Variants in LINGO2 observed in about 807,000 individuals in gnomAD.
LINGO2 encodes the protein leucine rich repeat and Ig domain containing 2, also known as leucine-rich repeat and immunoglobulin-like domain-containing nogo receptor-interacting protein 2.
In LINGO2, 14 loss-of-function variants were observed where a neutral mutation model predicts 30.6. The observed-to-expected ratio is 0.46, with a 90% CI of 0.30 to 0.72. LINGO2 has a LOEUF of 0.72. LINGO2 is among the 30% of genes least tolerant of loss of function. The probability of loss-of-function intolerance (pLI) is 0.07; values close to 1 mark genes in which losing one functional copy is unlikely to be tolerated. For synonymous variants in LINGO2, 317 were observed against 288.5 expected (o/e 1.10, Z -1.00); for missense variants, 729 against 751.7 (o/e 0.97, Z 0.35).
At chr9:28,945,909 T>TAAAG in the LINGO2 span, among the ~76,000 whole-genome samples, 1 of 152,192 alleles carries the variant, frequency 6.6e-6, no homozygotes, top group Non-Finnish European at 1.5e-5. Flanking sequence ...GTACTTCTGA[T>TAAAG]AAAGATGAGG....
At chr9:28,200,270 G>A (rs78004528) in intron 4 of LINGO2, among the ~76,000 whole-genome samples, 4,194 of 152,224 alleles carry the variant, frequency 0.028, 177 homozygotes, top group African/African-American at 0.095. Flanking sequence ...AAAAGATAGT[G>A]TTGGTGTCTA....
intron 4 of LINGO2, among the ~76,000 whole-genome samples, chr9:28,164,062 G>T (rs550632568): frequency 6.6e-6 from 1 of 152,162 alleles, no homozygotes; most frequent in Non-Finnish European, 1.5e-5. Flanking sequence ...CTAAATATTG[G>T]AAACTATTTT....
intron 2 of LINGO2, among the ~76,000 whole-genome samples, chr9:28,431,029 T>TGAGAGAGAGAGAGAGAGAGAGAGAGA (rs57751993): frequency 1.5e-5 from 2 of 129,356 alleles, no homozygotes; most frequent in African/African-American, 3.1e-5. Context: ...GCATGAGTGA[T>TGAGAGAGAGAGAGAGAGAGAGAGAGA]GAGAGAGAGA....
Position 28,241,098 on chromosome 9 carries a change from G to A in LINGO2, c.-87+54110C>T, listed in dbSNP as rs138616605. On this transcript the variant is annotated intron_variant, in intron 4 of 5. Coordinates refer to ENST00000379992, the Ensembl canonical transcript of LINGO2. Reference sequence around the variant, plus strand: ...ATCCTGGCCAACATGGTGAAACCCCGTCTCTACTAAAAATACAAACATTAG... The same window carrying A: ...ATCCTGGCCAACATGGTGAAACCCCATCTCTACTAAAAATACAAACATTAG... Among the ~76,000 whole-genome samples the A allele has an allele frequency of 3.1e-3, 473 of 151,608 alleles. 3 individuals are homozygous for A. Among genetic ancestry groups the A allele is most frequent in the African/African-American group, 9.9e-3 (411 of 41,362 alleles).
At chr9:28,059,985 T>G (rs947499507) in intron 4 of LINGO2, among the ~76,000 whole-genome samples, 22 of 152,042 alleles carry the variant, frequency 1.4e-4, no homozygotes, top group African/African-American at 5.3e-4. Flanking sequence ...CTATCAAAGA[T>G]TCACTGATCC....
chr9:28,623,909 C>T (rs1425098442), intron 1 of LINGO2, among the ~76,000 whole-genome samples: 1 of 151,966 alleles, frequency 6.6e-6, no homozygotes, highest in Non-Finnish European at 1.5e-5. Flanking sequence ...AAATCTTTCA[C>T]TTCTTTGATT....
chr9:28,480,540 G>C (rs1049045272), intron 1 of LINGO2, among the ~76,000 whole-genome samples: 1 of 151,990 alleles, frequency 6.6e-6, no homozygotes, highest in African/African-American at 2.4e-5. Flanking sequence ...TGAAGTGTTT[G>C]TTTGTTGGAA....
intron 2 of LINGO2, among the ~76,000 whole-genome samples, chr9:28,404,584 T>C (rs988065236): frequency 1.3e-5 from 2 of 152,202 alleles, no homozygotes; most frequent in Admixed American, 1.3e-4. Context: ...AGCACTACTG[T>C]GCTGAGCTAA....
intron 4 of LINGO2, among the ~76,000 whole-genome samples, chr9:28,125,704 A>T (rs1036967315): frequency 1.3e-5 from 2 of 152,198 alleles, no homozygotes; most frequent in African/African-American, 4.8e-5. Flanking sequence ...CAGTGAAAAA[A>T]AATTGAGTGA....
chr9:28,319,871 G>C (rs1440487962), intron 3 of LINGO2, among the ~76,000 whole-genome samples: 2 of 152,030 alleles, frequency 1.3e-5, no homozygotes, highest in Non-Finnish European at 2.9e-5. Flanking sequence ...TTACATGCAA[G>C]AAAACTGATT....
At position 28,165,420 on chromosome 9, in the gene LINGO2, A is replaced by G. The variant is rs188072059; in HGVS notation, c.-87+129788T>C. ...GGAGGTAATTCATCACTGTCCTTCC[A>G]CTAATCACTCCCAGGTTTTACATAA... is the stretch of plus-strand genomic sequence containing the variant. On this transcript the variant is annotated intron_variant, in intron 4 of 5. Coordinates refer to ENST00000379992, the Ensembl canonical transcript of LINGO2. 2.2e-3 allele frequency among the ~76,000 whole-genome samples: 337 copies of G among 152,256 alleles called. 1 individual carries two copies. Among genetic ancestry groups the G allele is most frequent in the African/African-American group, 6.5e-3 (271 of 41,556 alleles).
intron 5 of LINGO2, among the ~76,000 whole-genome samples, chr9:28,005,940 T>C (rs1467824287): frequency 6.6e-6 from 1 of 152,130 alleles, no homozygotes; most frequent in African/African-American, 2.4e-5. Flanking sequence ...TTCAGAGCAC[T>C]GCACTTTCTG....
the LINGO2 span, among the ~76,000 whole-genome samples, chr9:28,953,921 T>C: frequency 4.1e-3 from 624 of 152,230 alleles, 5 homozygotes; most frequent in African/African-American, 0.014. Context: ...CATGCACTGG[T>C]GATCCAGAAA....
At chr9:29,110,653 T>C in the LINGO2 span, among the ~76,000 whole-genome samples, 1 of 146,294 alleles carries the variant, frequency 6.8e-6, no homozygotes, top group African/African-American at 2.6e-5. Context: ...GTTTTAATAG[T>C]AGGTACAGTA....
At chr9:29,073,624 A>T in the LINGO2 span, among the ~76,000 whole-genome samples, 6 of 152,334 alleles carry the variant, frequency 3.9e-5, no homozygotes, top group South Asian at 1.2e-3. Context: ...CTGCTTTTAA[A>T]CTATAACAAT....
At chr9:28,355,261 G>GTCTC (rs113486172) in intron 3 of LINGO2, among the ~76,000 whole-genome samples, 42,935 of 136,272 alleles carry the variant, frequency 0.32, 8,848 homozygotes, top group East Asian at 0.5. Flanking sequence ...CTCTGTCTCT[G>GTCTC]TCTCTCTCTC....
chr9:28,342,892 G>A (rs552154380), intron 3 of LINGO2, among the ~76,000 whole-genome samples: 6 of 151,952 alleles, frequency 3.9e-5, no homozygotes, highest in Middle Eastern at 3.2e-3. Context: ...AGCTAGAATT[G>A]GTCTCGCTGT....
chr9:28,123,146 G>A (rs908581206), intron 4 of LINGO2, among the ~76,000 whole-genome samples: 3 of 152,080 alleles, frequency 2.0e-5, no homozygotes, highest in African/African-American at 7.2e-5. Flanking sequence ...ATTGAATAAC[G>A]GTGAATGGAG....
intron 2 of LINGO2, among the ~76,000 whole-genome samples, chr9:28,425,071 T>C (rs1823348895): frequency 6.6e-6 from 1 of 151,872 alleles, no homozygotes; most frequent in Admixed American, 6.6e-5. Flanking sequence ...TCTACCACAG[T>C]GCAGGGCCCT....
Sources: allele counts gnomAD v4.1 joint callset (sites outside exome capture counted in the v4.1 genomes callset), GRCh38; gene constraint gnomAD v4.1.1; transcripts MANE v1.5; gene names NCBI Gene and HGNC (gene_info 2026-07-23, HGNC 2026-07-21).